SUGCT: variants seen among roughly 807,000 people sequenced by gnomAD.
SUGCT encodes the protein succinyl-CoA:glutarate CoA-transferase.
Under a neutral mutation model 55.0 loss-of-function variants are expected in SUGCT, and 41 were observed. The ratio of observed to expected loss-of-function variants is 0.74; its 90% CI spans 0.58 to 0.97. The LOEUF is 0.97. Among genes scored for constraint, SUGCT ranks in the 50% least tolerant of loss-of-function variants. The probability of loss-of-function intolerance (pLI) is 0.00; values close to 1 mark genes in which losing one functional copy is unlikely to be tolerated. For missense variants in SUGCT, 568 were observed against 547.8 expected (o/e 1.04, Z -0.37); for synonymous variants, 187 against 200.4 (o/e 0.93, Z 0.56).
intron 9 of SUGCT, among the ~76,000 whole-genome samples, chr7:40,418,650 A>G (rs111313622): frequency 6.6e-5 from 10 of 152,274 alleles, no homozygotes; most frequent in African/African-American, 2.4e-4. Context: ...GTCATGTGAT[A>G]GAGGAGTAGG....
chr7:40,770,466 A>G (rs938832885), intron 13 of SUGCT, among the ~76,000 whole-genome samples: 36 of 152,110 alleles, frequency 2.4e-4, no homozygotes, highest in Non-Finnish European at 4.4e-5. Flanking sequence ...TTGGGTCATC[A>G]TATCTATGTT....
chr7:40,368,146 A>C (rs1352702361), intron 9 of SUGCT, among the ~76,000 whole-genome samples: 1 of 143,948 alleles, frequency 6.9e-6, no homozygotes, highest in African/African-American at 2.4e-5. Flanking sequence ...TTTCCCTCGT[A>C]AGTCAGATCT....
chr7:40,273,590 C>G (rs1030196848), intron 7 of SUGCT, among the ~76,000 whole-genome samples: 1 of 151,984 alleles, frequency 6.6e-6, no homozygotes, highest in Non-Finnish European at 1.5e-5. Context: ...TACATATGGG[C>G]CAAGGATTGG....
intron 12 of SUGCT, among the ~76,000 whole-genome samples, chr7:40,653,945 G>C (rs992562374): frequency 1.3e-5 from 2 of 151,548 alleles, no homozygotes; most frequent in Admixed American, 1.3e-4. Context: ...AAGAAACAAA[G>C]ATCTTGCTTT....
At chr7:40,985,682 A>G in the SUGCT span, among the ~76,000 whole-genome samples, 1 of 152,326 alleles carries the variant, frequency 6.6e-6, no homozygotes, top group South Asian at 2.1e-4. Context: ...AGACCACCAT[A>G]GTATGAATAG....
intron 12 of SUGCT, among the ~76,000 whole-genome samples, chr7:40,681,164 G>A (rs373294628): frequency 1.1e-4 from 17 of 152,152 alleles, no homozygotes; most frequent in South Asian, 1.0e-3. Flanking sequence ...TAATGAGACA[G>A]CATGACTCAT....
intron 12 of SUGCT, among the ~76,000 whole-genome samples, chr7:40,560,065 T>G (rs1469896051): frequency 6.6e-6 from 1 of 152,216 alleles, no homozygotes; most frequent in Non-Finnish European, 1.5e-5. Flanking sequence ...ATTATCCTAT[T>G]TAAAATATCT....
At chr7:40,836,786 T>G (rs2128784169) in intron 13 of SUGCT, among the ~76,000 whole-genome samples, 1 of 152,376 alleles carries the variant, frequency 6.6e-6, no homozygotes, top group South Asian at 2.1e-4. Context: ...GTGTCAATAG[T>G]TCATTCCTTT....
intron 12 of SUGCT, among the ~76,000 whole-genome samples, chr7:40,711,568 T>C (rs1336343863): frequency 1.3e-5 from 2 of 152,180 alleles, no homozygotes; most frequent in Non-Finnish European, 2.9e-5. Context: ...AATGGAGACG[T>C]TAGTTTGCAA....
intron 13 of SUGCT, among the ~76,000 whole-genome samples, chr7:40,835,856 G>T (rs2128782959): frequency 6.6e-6 from 1 of 151,738 alleles, no homozygotes; most frequent in African/African-American, 2.4e-5. Flanking sequence ...TCCATTTGGA[G>T]GAAATCATTA....
rs114394304 is a variant in SUGCT, at chr7:40,322,811, G to A, written c.816+5956G>A. On this transcript the variant is annotated intron_variant, in intron 9 of 13. Coordinates refer to ENST00000335693, the MANE Select transcript of SUGCT (RefSeq NM_001193313.2). ...TCAAATAAAAAAGAAGAAGAAACTA[G>A]GCATGATGGCACAAGCCTGTGGTCC... Among the ~76,000 whole-genome samples, 185 of 152,050 alleles carry A rather than the reference G, an allele frequency of 1.2e-3. No homozygotes were observed. The Middle Eastern group carries it at 0.017, about 14-fold the overall frequency.
At chr7:40,974,671 G>A in the SUGCT span, among the ~76,000 whole-genome samples, 3 of 152,162 alleles carry the variant, frequency 2.0e-5, no homozygotes, top group African/African-American at 7.2e-5. Flanking sequence ...GACTGGGCAG[G>A]TGGAAGTCCA....
chr7:40,227,934 G>A (rs1235677502), intron 6 of SUGCT, among the ~76,000 whole-genome samples: 1 of 151,776 alleles, frequency 6.6e-6, no homozygotes, highest in African/African-American at 2.4e-5. Context: ...CCAGGCTGGA[G>A]TGCAATGGCA....
chr7:40,992,719 A>C, the SUGCT span, among the ~76,000 whole-genome samples: 1 of 152,208 alleles, frequency 6.6e-6, no homozygotes, highest in Non-Finnish European at 1.5e-5. Flanking sequence ...AGCCAAGCCT[A>C]GCTTCAAATT....
the SUGCT span, among the ~76,000 whole-genome samples, chr7:40,980,656 A>G: frequency 6.6e-6 from 1 of 151,022 alleles, no homozygotes; most frequent in Non-Finnish European, 1.5e-5. Context: ...AGGAAAAAAG[A>G]GGTGAGTAGT....
intron 13 of SUGCT, among the ~76,000 whole-genome samples, chr7:40,772,578 G>T (rs1054577176): frequency 1.9e-3 from 193 of 103,352 alleles, no homozygotes; most frequent in Middle Eastern, 5.3e-3. Flanking sequence ...TTATCTATCT[G>T]CTATCTATCT....
chr7:40,545,446 C>T (rs184986556), intron 12 of SUGCT, among the ~76,000 whole-genome samples: 1 of 152,272 alleles, frequency 6.6e-6, no homozygotes, highest in African/African-American at 2.4e-5. Flanking sequence ...TCTCCTTTGT[C>T]TATTGCATTT....
intron 12 of SUGCT, among the ~76,000 whole-genome samples, chr7:40,629,544 A>C (rs1057417387): frequency 2.0e-5 from 3 of 152,130 alleles, no homozygotes; most frequent in Admixed American, 1.3e-4. Context: ...GGATAACGGC[A>C]GGAGGAGGTG....
intron 7 of SUGCT, among the ~76,000 whole-genome samples, chr7:40,242,916 TATATATATATATATA>T (rs1784600721): frequency 8.1e-5 from 2 of 24,708 alleles, no homozygotes; most frequent in Non-Finnish European, 8.7e-5. Flanking sequence ...CATATATATA[TATATATATATATATA>T]TATTTTTTTT....
Sources: allele counts gnomAD v4.1 joint callset (sites outside exome capture counted in the v4.1 genomes callset), GRCh38; gene constraint gnomAD v4.1.1; transcripts MANE v1.5; gene names NCBI Gene and HGNC (gene_info 2026-07-23, HGNC 2026-07-21).